CSRNP3: variants seen among roughly 807,000 people sequenced by gnomAD.
CSRNP3 encodes cysteine/serine-rich nuclear protein 3.
A neutral mutation model predicts 48.0 loss-of-function variants in CSRNP3; 12 were observed. The observed-to-expected ratio is 0.25, with a 90% confidence interval of 0.16 to 0.41. The LOEUF (loss-of-function observed/expected upper bound fraction) is 0.41. CSRNP3 is among the 10% of genes least tolerant of loss of function. CSRNP3 has a pLI of 1.00. For missense variants in CSRNP3, 580 were observed against 724.4 expected, an observed-to-expected ratio of 0.80 and a Z score of 2.29; for synonymous variants, 263 against 269.7, an observed-to-expected ratio of 0.98 and a Z score of 0.24.
intron 1 of CSRNP3, among the ~76,000 whole-genome samples, chr2:165,481,072 T>C (rs1228367339): frequency 1.3e-5 from 2 of 152,004 alleles, no homozygotes; most frequent in African/African-American, 4.8e-5. Context: ...AAACCAAACA[T>C]GTCCCTTTAG....
intron 4 of CSRNP3, among the ~76,000 whole-genome samples, chr2:165,656,645 A>G (rs1299379635): frequency 6.6e-6 from 1 of 152,216 alleles, no homozygotes; most frequent in Non-Finnish European, 1.5e-5. Flanking sequence ...TCATAATGCT[A>G]TTTAATGAGA....
intron 4 of CSRNP3, among the ~76,000 whole-genome samples, chr2:165,639,189 C>T (rs1219350629): frequency 6.6e-6 from 1 of 152,036 alleles, no homozygotes; most frequent in Non-Finnish European, 1.5e-5. Context: ...TACTTGGGGG[C>T]CTTTTCAAAC....
intron 3 of CSRNP3, among the ~76,000 whole-genome samples, chr2:165,527,576 T>A (rs1684753970): frequency 6.6e-6 from 1 of 152,004 alleles, no homozygotes; most frequent in African/African-American, 2.4e-5. Flanking sequence ...CATATAAATA[T>A]CACACACACA....
At chr2:165,474,425 A>G (rs1451896633) in intron 1 of CSRNP3, among the ~76,000 whole-genome samples, 1 of 152,028 alleles carries the variant, frequency 6.6e-6, no homozygotes, top group Non-Finnish European at 1.5e-5. Flanking sequence ...TTTTATGCAA[A>G]TGTTTATGTC....
chr2:165,660,851 C>T (rs1232032914), intron 5 of CSRNP3, among the ~76,000 whole-genome samples: 2 of 152,096 alleles, frequency 1.3e-5, no homozygotes, highest in East Asian at 1.9e-4. Flanking sequence ...AAACAAAAGG[C>T]ATTTGGTTAT....
At chr2:165,499,081 A>G (rs563767175) in intron 2 of CSRNP3, among the ~76,000 whole-genome samples, 43 of 152,220 alleles carry the variant, frequency 2.8e-4, no homozygotes, top group Non-Finnish European at 4.7e-4. Context: ...CAGTGGTCAC[A>G]GGCAATACAT....
chr2:165,565,393 G>A (rs1161737366), intron 3 of CSRNP3, among the ~76,000 whole-genome samples: 1 of 152,064 alleles, frequency 6.6e-6, no homozygotes, highest in South Asian at 2.1e-4. Flanking sequence ...GGTGTGAAAA[G>A]AATATCTGTC....
At chr2:165,587,714 A>C (rs1040330209) in intron 3 of CSRNP3, among the ~76,000 whole-genome samples, 1 of 152,188 alleles carries the variant, frequency 6.6e-6, no homozygotes, top group African/African-American at 2.4e-5. Flanking sequence ...TTCCCAACAG[A>C]AGTCTTTTGC....
At chr2:165,642,768 G>A (rs1045969646) in intron 4 of CSRNP3, among the ~76,000 whole-genome samples, 1 of 152,082 alleles carries the variant, frequency 6.6e-6, no homozygotes, top group Non-Finnish European at 1.5e-5. Context: ...TGCCATGCTG[G>A]CCAGGCTGGT....
chr2:165,525,300 T>C (rs1684717111), intron 3 of CSRNP3, among the ~76,000 whole-genome samples: 1 of 152,130 alleles, frequency 6.6e-6, no homozygotes, highest in Admixed American at 6.5e-5. Flanking sequence ...TCTTTATAAA[T>C]ATTCTGCATA....
At chr2:165,649,269 CAA>C (rs998850507) in intron 4 of CSRNP3, among the ~76,000 whole-genome samples, 1 of 152,020 alleles carries the variant, frequency 6.6e-6, no homozygotes, top group South Asian at 2.1e-4. Flanking sequence ...GCAATTTAAA[CAA>C]AAGAGTCTTG....
intron 3 of CSRNP3, among the ~76,000 whole-genome samples, chr2:165,592,181 C>G (rs929475949): frequency 2.6e-5 from 4 of 152,352 alleles, no homozygotes; most frequent in African/African-American, 9.6e-5. Flanking sequence ...GGCTTAATGG[C>G]TACCCTATTG....
At chr2:165,674,687 T>TAG (rs1312320936) in intron 5 of CSRNP3, among the ~76,000 whole-genome samples, 1 of 126,972 alleles carries the variant, frequency 7.9e-6, no homozygotes, top group Non-Finnish European at 1.7e-5. Flanking sequence ...TCTGAATATA[T>TAG]ATATATATAT....
intron 3 of CSRNP3, among the ~76,000 whole-genome samples, chr2:165,585,207 A>C (rs893542655): frequency 7.1e-6 from 1 of 140,272 alleles, no homozygotes; most frequent in Non-Finnish European, 1.6e-5. Flanking sequence ...ATCATAGCAT[A>C]ATGTGTTTTT....
chr2:165,486,405 C>T (rs1684117953), intron 1 of CSRNP3, among the ~76,000 whole-genome samples: 2 of 151,190 alleles, frequency 1.3e-5, no homozygotes, highest in South Asian at 4.2e-4. Flanking sequence ...CTTAGGTAAA[C>T]AAAGCAGCCA....
intron 4 of CSRNP3, among the ~76,000 whole-genome samples, chr2:165,608,218 G>A (rs141284991): frequency 7.9e-5 from 12 of 151,742 alleles, no homozygotes; most frequent in South Asian, 4.1e-4. Context: ...TCAAAGTATC[G>A]TACATTAGAA....
chr2:165,484,031 A>G (rs1485368900), intron 1 of CSRNP3, among the ~76,000 whole-genome samples: 2 of 152,208 alleles, frequency 1.3e-5, no homozygotes, highest in East Asian at 3.8e-4. Context: ...AGAAAATTGT[A>G]TTTTATATAT....
chr2:165,510,043 T>C (rs1236766576), intron 2 of CSRNP3, among the ~76,000 whole-genome samples: 1 of 152,212 alleles, frequency 6.6e-6, no homozygotes, highest in African/African-American at 2.4e-5. Context: ...AGAAGTAAAG[T>C]ACTCTTCATA....
intron 3 of CSRNP3, among the ~76,000 whole-genome samples, chr2:165,518,984 G>A (rs1056821188): frequency 3.9e-5 from 6 of 151,952 alleles, no homozygotes; most frequent in Admixed American, 3.3e-4. Flanking sequence ...TTTTATAAGG[G>A]CATGTAATTA....
Sources: allele counts gnomAD v4.1 joint callset (sites outside exome capture counted in the v4.1 genomes callset), GRCh38; gene constraint gnomAD v4.1.1; transcripts MANE v1.5; gene names NCBI Gene and HGNC (gene_info 2026-07-23, HGNC 2026-07-21).